SLIRP: variants seen among roughly 807,000 people sequenced by gnomAD.
SLIRP encodes SRA stem-loop interacting RNA binding protein.
SLIRP carries 12 observed loss-of-function variants against 13.4 expected under a neutral mutation model. That is an observed-to-expected ratio of 0.89 (90% confidence interval 0.57 to 1.45). The LOEUF (loss-of-function observed/expected upper bound fraction) is 1.45, where lower values mean the gene tolerates loss of function less well. Among genes scored for constraint, SLIRP ranks in the 40% most tolerant of loss-of-function variants. The pLI is 0.00. For synonymous variants in SLIRP, 55 were observed against 47.1 expected (o/e 1.17, Z -0.69); for missense variants, 154 against 132.2 (o/e 1.17, Z -0.81).
At chr14:77,710,302 T>A (rs898250572) in intron 1 of SLIRP, among the ~76,000 whole-genome samples, 4 of 152,076 alleles carry the variant, frequency 2.6e-5, no homozygotes, top group African/African-American at 9.6e-5. Flanking sequence ...TACCAACATA[T>A]GGAGGGGAGA....
At chr14:77,716,893 C>A (rs907006573) in intron 3 of SLIRP, among the ~76,000 whole-genome samples, 5 of 152,008 alleles carry the variant, frequency 3.3e-5, no homozygotes, top group Non-Finnish European at 5.9e-5. Flanking sequence ...TCCCGAGTAG[C>A]TGGGATTACA....
At chr14:77,715,917 C>A in intron 3 of SLIRP, 38 bp downstream of exon 3, 1 of 1,387,498 alleles carries the variant, frequency 7.2e-7, no homozygotes, top group East Asian at 2.3e-5. Context: ...ACATGATATA[C>A]ATGTAGGTAC....
chr14:77,715,845 T>C lies in SLIRP; in HGVS notation c.230T>C (p.Leu77Pro). The C allele has an allele frequency of 4.3e-6, 7 of 1,614,066 alleles. No homozygotes were observed. The highest frequency in any genetic ancestry group is 4.2e-6 in the Non-Finnish European group (5 of 1,179,962). Reference protein sequence around the residue: ...FSSEEGLRNALQQENHIIDGV... With the variant: ...FSSEEGLRNAPQQENHIIDGV... ...TCAGAAGAAGGACTTCGGAATGCAC[T>C]ACAACAGGAAAATCATATTATAGAT... The change falls in exon 3 of 4, where the codon CTA becomes CCA. Residue 77 changes from leucine (L) to proline (P), a missense_variant. Physicochemically the swap from Leu to Pro is moderately conservative, Grantham distance 98. Coordinates refer to ENST00000557342, the MANE Select transcript of SLIRP (RefSeq NM_031210.6).
Position 77,717,497 on chromosome 14 carries a change from TCCAGGTTCACACTAGAAGG to T in SLIRP, c.270_288del (p.Val91AsnfsTer19), listed in dbSNP as rs1238831866. 2 of 1,613,816 alleles carry T rather than the reference TCCAGGTTCACACTAGAAGG, an allele frequency of 1.2e-6. No individual in the cohort carries two copies. The highest frequency in any genetic ancestry group is 1.7e-6 in the Non-Finnish European group (2 of 1,179,884). Reference sequence around the variant, plus strand: ...CCTTACAGTGCTTATTTTTTTAAGGTCCAGGTTCACACTAGAAGGCCAAAACTTCCGCAAACATCTGATG... The same window carrying T: ...CCTTACAGTGCTTATTTTTTTAAGGTCCAAAACTTCCGCAAACATCTGATG... On this transcript the variant is annotated frameshift_variant and splice_region_variant, in exon 4 of 4. Transcript: ENST00000557342. LOFTEE classifies it high-confidence loss of function.
chr14:77,708,880 G>C (rs2080417780), intron 1 of SLIRP, among the ~76,000 whole-genome samples: 1 of 152,186 alleles, frequency 6.6e-6, no homozygotes, highest in Non-Finnish European at 1.5e-5. Flanking sequence ...AAGCTAGACC[G>C]TTGGGGTTAG....
rs1467364274 is a variant in SLIRP, at chr14:77,716,665, T to A, written c.264+786T>A. ...CTCAAAAAAAAAAAAAAAAAAAAAA[T>A]GGGGGGTGGTAGAGTGCCCAGTTTT... On this transcript the variant is annotated intron_variant, in intron 3 of 3. Transcript: ENST00000557342. Among the ~76,000 whole-genome samples the A allele has an allele frequency of 4.1e-3, 472 of 114,062 alleles. 2 individuals carry two copies. The highest frequency in any genetic ancestry group is 0.023 in the South Asian group (82 of 3,492). The allele number at this position is 114,062 out of a possible 152,430, so 74.8% of individuals were successfully genotyped here. A position where few individuals can be genotyped will look rare whatever the true frequency, so the allele number is the denominator to read the frequency against.
At chr14:77,716,642 C>CA (rs56736320) in intron 3 of SLIRP, among the ~76,000 whole-genome samples, 2,020 of 80,908 alleles carry the variant, frequency 0.025, 48 homozygotes, top group Admixed American at 0.058. Context: ...AACTCCATCT[C>CA]AAAAAAAAAA....
At chr14:77,714,261 C>T (rs1392529655) in intron 2 of SLIRP, among the ~76,000 whole-genome samples, 1 of 152,120 alleles carries the variant, frequency 6.6e-6, no homozygotes, top group Non-Finnish European at 1.5e-5. Flanking sequence ...CTCACCTCAG[C>T]TCCCAAAGTG....
chr14:77,710,868 G>T lies in SLIRP; in HGVS notation c.128G>T (p.Gly43Val). Residue 43 changes from glycine (G) to valine (V), a missense_variant, in exon 2 of 4, where the codon GGC (glycine) becomes GTC (valine). Transcript: ENST00000557342. The stretch of plus-strand genomic sequence containing the variant: ...CTGAAAGAACACTTTGCACAGTTCG[G>T]CCATGTCAGAAGGTGCATTTTACCT... ...SQLKEHFAQF[G>V]HVRRCILPFD... is the part of the protein sequence containing the mutation. 4 of 1,614,060 alleles carry T rather than the reference G, an allele frequency of 2.5e-6. No homozygotes were observed. Among genetic ancestry groups the T allele is most frequent in the Non-Finnish European group, 2.5e-6 (3 of 1,180,016 alleles).
intron 1 of SLIRP, among the ~76,000 whole-genome samples, chr14:77,708,764 A>G (rs1019959043): frequency 6.6e-6 from 1 of 152,222 alleles, no homozygotes; most frequent in African/African-American, 2.4e-5. Context: ...GCAGGCCAAG[A>G]GAAGATGAGT....
At chr14:77,711,376 C>T (rs1235710326) in intron 2 of SLIRP, among the ~76,000 whole-genome samples, 1 of 152,168 alleles carries the variant, frequency 6.6e-6, no homozygotes, top group East Asian at 1.9e-4. Context: ...TGTCCCCCTG[C>T]AGGGGTGCAG....
intron 3 of SLIRP, among the ~76,000 whole-genome samples, chr14:77,717,024 C>T (rs908279799): frequency 2.9e-4 from 44 of 152,310 alleles, no homozygotes; most frequent in Middle Eastern, 3.4e-3. Context: ...CTCGGCCTCC[C>T]AAAGTGCTGG....
chr14:77,711,416 C>A (rs1478220466), intron 2 of SLIRP, among the ~76,000 whole-genome samples: 2 of 152,122 alleles, frequency 1.3e-5, no homozygotes, highest in Non-Finnish European at 1.5e-5. Context: ...CCTCTGCCTC[C>A]CAGGCTTAAG....
intron 2 of SLIRP, among the ~76,000 whole-genome samples, chr14:77,711,494 T>C (rs1002699671): frequency 6.6e-6 from 1 of 151,468 alleles, no homozygotes; most frequent in Non-Finnish European, 1.5e-5. Flanking sequence ...CCAGCTAACT[T>C]TTTTGGTATT....
chr14:77,709,264 CTT>C (rs1263563450), intron 1 of SLIRP, among the ~76,000 whole-genome samples: 1 of 152,184 alleles, frequency 6.6e-6, no homozygotes, highest in Non-Finnish European at 1.5e-5. Context: ...CGTGGTCACT[CTT>C]TTTGTAGATA....
At chr14:77,712,472 T>G (rs2080448139) in intron 2 of SLIRP, among the ~76,000 whole-genome samples, 2 of 115,350 alleles carry the variant, frequency 1.7e-5, no homozygotes, top group Non-Finnish European at 1.7e-5. Context: ...TGAGACGGAG[T>G]CTCACTCTGT....
At chr14:77,716,056 C>T (rs1419673452) in intron 3 of SLIRP, 177 bp downstream of exon 3, 1 of 532,582 alleles carries the variant, frequency 1.9e-6, no homozygotes, top group Non-Finnish European at 3.3e-6. Context: ...GTGGCTCACG[C>T]CTGTAATCCC....
At position 77,708,568 on chromosome 14, in the gene SLIRP, C is replaced by T. The variant is rs560165458; in HGVS notation, c.97+360C>T. On this transcript the variant is annotated intron_variant, in intron 1 of 3. Transcript: ENST00000557342. ...GCTAAAAGGCAATTTCATTAATTTA[C>T]TTAAAACGTGAGGACCTGAATTAGG... is the stretch of plus-strand genomic sequence containing the variant. Among the ~76,000 whole-genome samples, 48 of 152,312 alleles carry T rather than the reference C, an allele frequency of 3.2e-4. 1 individual carries two copies. The South Asian group carries it at 9.9e-3, about 32-fold the overall frequency.
chr14:77,710,019 T>C (rs2080428538), intron 1 of SLIRP, among the ~76,000 whole-genome samples: 1 of 152,230 alleles, frequency 6.6e-6, no homozygotes. Flanking sequence ...TAGGCAATTG[T>C]TGAACCAGTG....
Sources: gnomAD v4.1 joint callset for allele counts (sites outside exome capture counted in the v4.1 genomes callset) on GRCh38, gnomAD v4.1.1 for gene constraint, MANE v1.5 for transcripts, NCBI Gene and HGNC (gene_info 2026-07-23, HGNC 2026-07-21) for gene names.